Variants in PCDHGB3 observed in about 807,000 individuals in gnomAD.
PCDHGB3 encodes the protein protocadherin gamma subfamily B, 3.
In PCDHGB3, 40 loss-of-function variants were observed where a neutral mutation model predicts 59.2. The ratio of observed to expected loss-of-function variants is 0.68; its 90% CI spans 0.52 to 0.88. PCDHGB3 has a LOEUF of 0.88. PCDHGB3 is among the 40% of genes least tolerant of loss of function. PCDHGB3 has a pLI of 0.00. For synonymous variants in PCDHGB3, 581 were observed against 503.6 expected (o/e 1.15, Z -2.06); for missense variants, 1,309 against 1,187.9 (o/e 1.10, Z -1.50).
At chr5:141,437,761 C>T (rs1200327020) in intron 1 of PCDHGB3, among the ~76,000 whole-genome samples, 1 of 144,680 alleles carries the variant, frequency 6.9e-6, no homozygotes, top group African/African-American at 2.6e-5. Context: ...TTTTTTGAGA[C>T]AGAGTCTCAA....
intron 1 of PCDHGB3, chr5:141,421,154 G>A: frequency 8.7e-7 from 1 of 1,151,318 alleles, no homozygotes; most frequent in South Asian, 1.6e-5. Flanking sequence ...GTCGGCCTAG[G>A]ACTTCATAGA....
Position 141,490,536 on chromosome 5 carries a change from T to C in PCDHGB3, c.2416-4271T>C. ...TGCTGGCCAGCGATGCTGGTTCACCTTCCCTACACAAACATCTCACCATCA... is the reference window on the plus strand; with the variant it reads ...TGCTGGCCAGCGATGCTGGTTCACCCTCCCTACACAAACATCTCACCATCA... On this transcript the variant is annotated intron_variant, in intron 1 of 3. Transcript: ENST00000576222. The surrounding 1 kb of genome is among the most constrained non-coding windows in gnomAD (Gnocchi z 5.4). The C allele has an allele frequency of 1.9e-6, 3 of 1,614,150 alleles. No individual in the cohort carries two copies. The highest frequency in any genetic ancestry group is 2.5e-6 in the Non-Finnish European group (3 of 1,180,010).
chr5:141,393,937 A>G lies in PCDHGB3; in HGVS notation c.2415+21128A>G, dbSNP rs751838967. 26 of 1,613,788 alleles carry G rather than the reference A, an allele frequency of 1.6e-5. 2 individuals are homozygous for G. In the South Asian group the frequency reaches 2.9e-4, roughly 18 times the overall value. On this transcript the variant is annotated intron_variant, in intron 1 of 3. Coordinates refer to ENST00000576222, the MANE Select transcript of PCDHGB3 (RefSeq NM_018924.5). ...GCCTTCTTGAGTGTGCATGACCAAG[A>G]CTCTGGAAAGAATGGTCAAGTTGTC...
intron 1 of PCDHGB3, chr5:141,395,547 TGTGTGTGTGTGTGTGTGTGTGTGTG>T: frequency 5.8e-6 from 1 of 173,894 alleles, no homozygotes; most frequent in Admixed American, 6.5e-5. Context: ...ATTGTTTGTG[TGTGTGTGTGTGTGTGTGTGTGTGTG>T]TGTGTGTGTG....
At chr5:141,430,996 G>A (rs1256552269) in intron 1 of PCDHGB3, 6 of 1,614,024 alleles carry the variant, frequency 3.7e-6, no homozygotes, top group Non-Finnish European at 5.1e-6. Context: ...CCCTGAATCC[G>A]CGCAGCGGCA....
intron 1 of PCDHGB3, chr5:141,423,735 G>A (rs2096770441): frequency 1.3e-6 from 1 of 777,372 alleles, no homozygotes; most frequent in African/African-American, 2.5e-5. Context: ...TTTTGAGCCT[G>A]TTATGAAAAC....
At chr5:141,375,331 C>A (rs755265511) in intron 1 of PCDHGB3, 1 of 1,613,806 alleles carries the variant, frequency 6.2e-7, no homozygotes, top group East Asian at 2.2e-5. Flanking sequence ...AAGAGGTATT[C>A]TTGTACAACA....
In PCDHGB3 at chr5:141,403,638, A is replaced by G. The variant is rs373036061; in HGVS notation, c.2415+30829A>G. On this transcript the variant is annotated intron_variant, in intron 1 of 3. Coordinates refer to ENST00000576222, the MANE Select transcript of PCDHGB3 (RefSeq NM_018924.5). ...CGTCGCTCCAGCACAGTGCGCATCCATGTGACAGTGTTGGATACAAATGAT... is the reference window on the plus strand; with the variant it reads ...CGTCGCTCCAGCACAGTGCGCATCCGTGTGACAGTGTTGGATACAAATGAT... The G allele has an allele frequency of 1.5e-5, 25 of 1,613,906 alleles. No individual in the cohort carries two copies. The East Asian group carries it at 4.5e-4, about 29-fold the overall frequency.
intron 1 of PCDHGB3, chr5:141,398,169 G>T (rs2093619628): frequency 5.4e-6 from 8 of 1,477,440 alleles, no homozygotes; most frequent in Admixed American, 2.6e-5. Flanking sequence ...CTGAGAGGCT[G>T]CCAGTGCTCT....
chr5:141,423,756 GGGGGTGGGGC>G, intron 1 of PCDHGB3: 1 of 448,620 alleles, frequency 2.2e-6, no homozygotes, highest in Non-Finnish European at 3.0e-6. Context: ...TGTTTGGGGG[GGGGGTGGGGC>G]GGCATATATT....
At chr5:141,376,186 C>T in intron 1 of PCDHGB3, 2 of 1,614,136 alleles carry the variant, frequency 1.2e-6, no homozygotes, top group Non-Finnish European at 1.7e-6. Flanking sequence ...CCGCGGTCTC[C>T]TGCGTCTTCC....
intron 1 of PCDHGB3, among the ~76,000 whole-genome samples, chr5:141,445,078 G>T (rs1591839605): frequency 6.6e-6 from 1 of 152,208 alleles, no homozygotes; most frequent in East Asian, 1.9e-4. Flanking sequence ...TCATTAAATT[G>T]TCCCTACATA....
chr5:141,476,803 T>G lies in PCDHGB3; in HGVS notation c.2416-18004T>G, dbSNP rs756358461. 3 of 1,613,688 alleles carry G rather than the reference T, an allele frequency of 1.9e-6. No individual in the cohort carries two copies. The highest frequency in any genetic ancestry group is 2.2e-5 in the South Asian group (2 of 91,092). ...CCCCAGCTCTCTCCGCCAGCCTGCCTATTCACATCAAGGTGCTGGACGCGA... is the reference window on the plus strand; with the variant it reads ...CCCCAGCTCTCTCCGCCAGCCTGCCGATTCACATCAAGGTGCTGGACGCGA... On this transcript the variant is annotated intron_variant, in intron 1 of 3. Transcript: ENST00000576222. The surrounding 1 kb of genome is among the most constrained non-coding windows in gnomAD (Gnocchi z 7.6).
At chr5:141,421,141 G>A (rs7732160) in intron 1 of PCDHGB3, 49,996 of 938,386 alleles carry the variant, frequency 0.053, 1,680 homozygotes, top group African/African-American at 0.14. Flanking sequence ...TATTTTGGAT[G>A]TAGTCGGCCT....
In PCDHGB3 at chr5:141,485,944, G is replaced by A; in HGVS notation, c.2416-8863G>A. 1.2e-6 allele frequency: 2 copies of A among 1,614,116 alleles called. No homozygotes were observed. The highest frequency in any genetic ancestry group is 1.7e-6 in the Non-Finnish European group (2 of 1,180,020). ...TTAGTGTGTTGGAGAGCGCACCAGC[G>A]GGCATGGTGCTCATCCAGCTCAATG... On this transcript the variant is annotated intron_variant, in intron 1 of 3. Coordinates refer to ENST00000576222, the MANE Select transcript of PCDHGB3 (RefSeq NM_018924.5). This position sits in a 1 kb window ranked among gnomAD's most constrained non-coding sequence, Gnocchi z 5.7.
chr5:141,479,020 T>C (rs961123768), intron 1 of PCDHGB3, among the ~76,000 whole-genome samples: 1 of 152,236 alleles, frequency 6.6e-6, no homozygotes, highest in African/African-American at 2.4e-5. Flanking sequence ...ATAATTTTCC[T>C]TTGTTTATAC....
At chr5:141,480,240 CAAA>C (rs11374694) in intron 1 of PCDHGB3, among the ~76,000 whole-genome samples, 1 of 114,046 alleles carries the variant, frequency 8.8e-6, no homozygotes, top group African/African-American at 3.3e-5. Flanking sequence ...CCTGTCTCTA[CAAA>C]AAAAAAAAAA....
intron 1 of PCDHGB3, among the ~76,000 whole-genome samples, chr5:141,460,478 A>G (rs989135238): frequency 6.6e-5 from 10 of 152,136 alleles, no homozygotes; most frequent in African/African-American, 2.4e-4. Context: ...GGAATATCCA[A>G]TTGTCTCTTT....
intron 1 of PCDHGB3, among the ~76,000 whole-genome samples, chr5:141,481,620 C>G (rs1449979532): frequency 6.6e-6 from 1 of 152,112 alleles, no homozygotes; most frequent in African/African-American, 2.4e-5. Context: ...GAGTTCAAGA[C>G]CGGCCTGGCC....
Sources: allele counts gnomAD v4.1 joint callset (sites outside exome capture counted in the v4.1 genomes callset), GRCh38; gene constraint gnomAD v4.1.1; non-coding constraint Gnocchi (gnomAD v3.1); transcripts MANE v1.5; gene names NCBI Gene and HGNC (gene_info 2026-07-23, HGNC 2026-07-21).